GSK3A: variants seen among roughly 807,000 people sequenced by gnomAD.
GSK3A encodes glycogen synthase kinase-3 alpha.
A neutral mutation model predicts 56.6 loss-of-function variants in GSK3A; 14 were observed. The ratio of observed to expected loss-of-function variants is 0.25; its 90% CI spans 0.16 to 0.39. GSK3A has a LOEUF of 0.39. Among genes scored for constraint, GSK3A ranks in the 10% least tolerant of loss-of-function variants. GSK3A has a pLI of 1.00. For missense variants in GSK3A, 450 were observed against 656.0 expected (o/e 0.69, Z 3.43); for synonymous variants, 301 against 285.0 (o/e 1.06, Z -0.56).
Position 42,230,519 on chromosome 19 carries a change from G to GGGGGA in GSK3A, c.*270_*274dup. ...GGGGGTCTGGAGGAGGTGGAGGTCTGGGGGAGGGGAGGGGGCCAAGGGGGT... is the reference window on the plus strand; with the variant it reads ...GGGGGTCTGGAGGAGGTGGAGGTCTGGGGGAGGGGAGGGGAGGGGGCCAAGGGGGT... On this transcript the variant is annotated 3_prime_UTR_variant, in exon 11 of 11. Transcript: ENST00000222330. 1 of 502,408 alleles carries GGGGGA rather than the reference G, an allele frequency of 2.0e-6. No homozygotes were observed. Among genetic ancestry groups the GGGGGA allele is most frequent in the South Asian group, 2.8e-5 (1 of 36,172 alleles). The allele number at this position is 502,408 out of a possible 1,614,324, so 31.1% of individuals were successfully genotyped here.
In GSK3A at chr19:42,238,474, G is replaced by A. The variant is rs533278973; in HGVS notation, c.471+1481C>T. On this transcript the variant is annotated intron_variant, in intron 2 of 10. Transcript: ENST00000222330. ...TACAAAAAATTAGCCGAGAGTGGTG[G>A]CACACGCCTGTAGTCCCAGCTACTA... 4.1e-3 allele frequency among the ~76,000 whole-genome samples: 618 copies of A among 151,686 alleles called. 2 individuals are homozygous for A. Among genetic ancestry groups the A allele is most frequent in the Middle Eastern group, 0.017 (5 of 294 alleles).
Position 42,242,557 on chromosome 19 carries a change from C to A in GSK3A, c.-92G>T. The A allele has an allele frequency of 1.0e-6, 1 of 969,600 alleles. No individual in the cohort carries two copies. Among genetic ancestry groups the A allele is most frequent in the Admixed American group, 5.2e-5 (1 of 19,184 alleles). 60.1% of individuals were successfully genotyped at this position (969,600 alleles called of 1,614,324 possible). A position where few individuals can be genotyped will look rare whatever the true frequency, so the allele number is the denominator to read the frequency against. ...CGCCGCCTCCCCCGGGCCCTGGCCT[C>A]TTCCAGGCCGCGCCGCTCTGGCTTG... On this transcript the variant is annotated 5_prime_UTR_variant, in exon 1 of 11. Transcript: ENST00000222330.
At position 42,230,687 on chromosome 19, in the gene GSK3A, T is replaced by G. The variant is rs924007280; in HGVS notation, c.*107A>C. ...GACAGGGACTCATTTACCTCTGCCCTCTAGTCTAGGGGCCCAGCCAGGGCA... is the reference window on the plus strand; with the variant it reads ...GACAGGGACTCATTTACCTCTGCCCGCTAGTCTAGGGGCCCAGCCAGGGCA... On this transcript the variant is annotated 3_prime_UTR_variant, in exon 11 of 11. Transcript: ENST00000222330. 4 of 811,028 alleles carry G rather than the reference T, an allele frequency of 4.9e-6. No individual in the cohort carries two copies. The highest frequency in any genetic ancestry group is 6.3e-6 in the Non-Finnish European group (3 of 474,460). 50.2% of individuals were successfully genotyped at this position (811,028 alleles called of 1,614,324 possible).
At chr19:42,238,845 T>C (rs1443176077) in intron 2 of GSK3A, among the ~76,000 whole-genome samples, 2 of 151,728 alleles carry the variant, frequency 1.3e-5, no homozygotes, top group East Asian at 3.9e-4. Flanking sequence ...GGCCCATGCC[T>C]GCAATCCCAG....
chr19:42,236,867 A>C lies in GSK3A; in HGVS notation c.546T>G (p.Ser182Arg). The C allele has an allele frequency of 6.2e-7, 1 of 1,610,656 alleles. No individual in the cohort carries two copies. The highest frequency in any genetic ancestry group is 8.5e-7 in the Non-Finnish European group (1 of 1,176,836). Reference protein sequence around the residue: ...IVRLRYFFYSSGEKKDELYLN... With the variant: ...IVRLRYFFYSRGEKKDELYLN... ...CACCTCGAGATCTCACCTTCTCGCC[A>C]CTGGAGTAGAAAAAGTATCTCAGCC... The change falls in exon 3 of 11, where the codon AGT becomes AGG. Residue 182 changes from serine (S) to arginine (R), a missense_variant. Around this residue, in one of 3 missense-constraint regions of GSK3A, gnomAD observed 144 missense variants for 308.0 expected, o/e 0.47. Coordinates refer to ENST00000222330, the MANE Select transcript of GSK3A (RefSeq NM_019884.3).
At chr19:42,241,430 T>C (rs1048365017) in intron 1 of GSK3A, 1 of 152,184 alleles carries the variant, frequency 6.6e-6, no homozygotes, top group Non-Finnish European at 1.5e-5. Flanking sequence ...ATCCATATTC[T>C]GTAGGAAACT....
rs775097746 is a variant in GSK3A at position 42,234,535 on chromosome 19, G to T, written c.797+13C>A. On this transcript the variant is annotated intron_variant, in intron 5 of 10. Transcript: ENST00000222330. This position sits in a 1 kb window ranked among gnomAD's most constrained non-coding sequence, Gnocchi z 5.7. The stretch of plus-strand genomic sequence containing the variant: ...CCCTGCCTCTTCAGCCACCCAACAT[G>T]CCCCAGGCCCACCTGCCAAAATCGC... 35 of 1,612,746 alleles carry T rather than the reference G, an allele frequency of 2.2e-5. No homozygotes were observed. The highest frequency in any genetic ancestry group is 2.5e-6 in the Non-Finnish European group (3 of 1,178,946).
At position 42,230,717 on chromosome 19, in the gene GSK3A, C is replaced by T; in HGVS notation, c.*77G>A. 1 of 1,112,280 alleles carries T rather than the reference C, an allele frequency of 9.0e-7. No individual in the cohort carries two copies. Among genetic ancestry groups the T allele is most frequent in the South Asian group, 1.3e-5 (1 of 75,320 alleles). The allele number at this position is 1,112,280 out of a possible 1,614,324, so 68.9% of individuals were successfully genotyped here. A position where few individuals can be genotyped will look rare whatever the true frequency, so the allele number is the denominator to read the frequency against. ...TCTAGGGGCCCAGCCAGGGCAGGAG[C>T]TTGATGGGCTATGGCCCCCCTTCCC... On this transcript the variant is annotated 3_prime_UTR_variant, in exon 11 of 11. Transcript: ENST00000222330.
intron 9 of GSK3A, 46 bp downstream of exon 9, chr19:42,232,450 C>A (rs1179984320): frequency 1.9e-6 from 3 of 1,560,738 alleles, no homozygotes; most frequent in Non-Finnish European, 2.6e-6. Context: ...TCTTTGGCTG[C>A]CCCCCTACCC....
intron 1 of GSK3A, 114 bp downstream of exon 1, chr19:42,242,069 G>A: frequency 3.2e-6 from 3 of 925,752 alleles, no homozygotes; most frequent in Non-Finnish European, 4.3e-6. Flanking sequence ...TCCCCGGTAT[G>A]GGGAGGCACA....
In GSK3A at chr19:42,242,585, C is replaced by T; in HGVS notation, c.-120G>A. 2 of 847,590 alleles carry T rather than the reference C, an allele frequency of 2.4e-6. No homozygotes were observed. Among genetic ancestry groups the T allele is most frequent in the Non-Finnish European group, 1.5e-6 (1 of 646,664 alleles). 52.5% of individuals were successfully genotyped at this position (847,590 alleles called of 1,614,324 possible). A position where few individuals can be genotyped will look rare whatever the true frequency, so the allele number is the denominator to read the frequency against. On this transcript the variant is annotated 5_prime_UTR_variant, in exon 1 of 11. Coordinates refer to ENST00000222330, the MANE Select transcript of GSK3A (RefSeq NM_019884.3). ...CCAGGCCGCGCCGCTCTGGCTTGGG[C>T]TCCGGCTCCGGCCCAGCGCCCGCCG...
intron 3 of GSK3A, 65 bp downstream of exon 3, chr19:42,236,793 G>T (rs1247437897): frequency 1.3e-6 from 2 of 1,484,720 alleles, no homozygotes; most frequent in Non-Finnish European, 1.9e-6. Flanking sequence ...AGGGAGCAGT[G>T]GGGGAAAGGC....
In GSK3A at chr19:42,236,708, C is replaced by G; in HGVS notation, c.564G>C (p.Glu188Asp). Residue 188 changes from glutamate to aspartate, a missense_variant, in exon 4 of 11, where the codon GAG (glutamate) becomes GAC (aspartate). Around this residue, in one of 3 missense-constraint regions of GSK3A, gnomAD observed 144 missense variants for 308.0 expected, o/e 0.47. Coordinates refer to ENST00000222330, the MANE Select transcript of GSK3A (RefSeq NM_019884.3). ...FFYSSGEKKD[E>D]LYLNLVLEYV... is the part of the protein sequence containing the mutation. The stretch of plus-strand genomic sequence containing the variant: ...ATTCCAGCACCAGATTTAGGTAAAG[C>G]TCGTCTTTCTGCAGGGAGCAAAGGA... 6.2e-7 allele frequency: 1 copy of G among 1,612,886 alleles called. No individual in the cohort carries two copies. Among genetic ancestry groups the G allele is most frequent in the Non-Finnish European group, 8.5e-7 (1 of 1,178,958 alleles).
At chr19:42,231,167 C>G (rs2036221497) in intron 10 of GSK3A, among the ~76,000 whole-genome samples, 1 of 151,984 alleles carries the variant, frequency 6.6e-6, no homozygotes, top group Admixed American at 6.6e-5. Flanking sequence ...CGAGACCAGC[C>G]TGGCCAACAT....
At chr19:42,240,473 C>T in intron 1 of GSK3A, 1 of 527,738 alleles carries the variant, frequency 1.9e-6, no homozygotes, top group Non-Finnish European at 3.4e-6. Context: ...CAGATGTTGA[C>T]TCCATCTACT....
intron 1 of GSK3A, 86 bp from the exon 2 acceptor site, chr19:42,240,228 T>G (rs1351905298): frequency 1.6e-6 from 2 of 1,290,112 alleles, no homozygotes; most frequent in East Asian, 2.3e-5. Context: ...AAGGGAAATC[T>G]CTGCAGGAAG....
chr19:42,233,041 C>T, intron 8 of GSK3A, 69 bp downstream of exon 8: 1 of 998,316 alleles, frequency 1.0e-6, no homozygotes, highest in Non-Finnish European at 1.5e-6. Context: ...GCTAGGTCCA[C>T]AGAACAGTTG....
rs957607549 is a variant in GSK3A at position 42,234,172 on chromosome 19, C to G, written c.904+181G>C. Among the ~76,000 whole-genome samples the G allele has an allele frequency of 6.6e-6, 1 of 152,164 alleles. No individual in the cohort carries two copies. Among genetic ancestry groups the G allele is most frequent in the Non-Finnish European group, 1.5e-5 (1 of 68,034 alleles). ...TAGTGGTGCCAGTGCGGGCAGGCGG[C>G]CTCACAGCTCTAAGCTCATCTGTAA... On this transcript the variant is annotated intron_variant, in intron 6 of 10. Transcript: ENST00000222330. This position sits in a 1 kb window ranked among gnomAD's most constrained non-coding sequence, Gnocchi z 5.7.
intron 2 of GSK3A, among the ~76,000 whole-genome samples, chr19:42,238,711 G>C (rs1191195879): frequency 6.6e-6 from 1 of 150,932 alleles, no homozygotes; most frequent in Non-Finnish European, 1.5e-5. Context: ...TGTAATACCA[G>C]CACTTTGGGA....
Sources: gnomAD v4.1 joint callset for allele counts (sites outside exome capture counted in the v4.1 genomes callset) on GRCh38, gnomAD v4.1.1 for gene constraint, gnomAD v4.1.1 regional missense constraint, Gnocchi (gnomAD v3.1) non-coding constraint, MANE v1.5 for transcripts, NCBI Gene and HGNC (gene_info 2026-07-23, HGNC 2026-07-21) for gene names.